C3orf70: variants seen among roughly 807,000 people sequenced by gnomAD.
C3orf70 encodes the protein chromosome 3 open reading frame 70.
A neutral mutation model predicts 20.7 loss-of-function variants in C3orf70; 15 were observed. That is an observed-to-expected ratio of 0.72 (90% CI 0.48 to 1.11). The LOEUF (loss-of-function observed/expected upper bound fraction) is 1.11, where lower values mean the gene tolerates loss of function less well. Ranked by LOEUF, C3orf70 falls within the 50% of genes most tolerant of loss-of-function variation. C3orf70 has a pLI of 0.00. For missense variants in C3orf70, 332 were observed against 317.6 expected (o/e 1.05, Z -0.34); for synonymous variants, 161 against 125.7 (o/e 1.28, Z -1.88).
chr3:185,109,965 T>G (rs1007439025), intron 1 of C3orf70, among the ~76,000 whole-genome samples: 17 of 152,226 alleles, frequency 1.1e-4, no homozygotes, highest in African/African-American at 3.9e-4. Context: ...CCTAAGGAGA[T>G]GTTTAGCTTA....
Position 185,079,306 on chromosome 3 carries a change from T to TAAAAAAAAAAAAAAAAAAAAAAAAA in C3orf70, c.*3700_*3701insTTTTTTTTTTTTTTTTTTTTTTTTT, listed in dbSNP as rs1321535800. The TAAAAAAAAAAAAAAAAAAAAAAAAA allele has an allele frequency of 7.5e-4, 92 of 122,794 alleles. No homozygotes were observed. The highest frequency in any genetic ancestry group is 1.2e-3 in the Non-Finnish European group (73 of 59,514). 7.6% of individuals were successfully genotyped at this position (122,794 alleles called of 1,614,324 possible). ...AAAAAAAAAAAAAAAAAAAAAAAAGTAAAGCCACCACTCCCAAGATAGAAT... is the reference window on the plus strand; with the variant it reads ...AAAAAAAAAAAAAAAAAAAAAAAAGTAAAAAAAAAAAAAAAAAAAAAAAAAAAAGCCACCACTCCCAAGATAGAAT... On this transcript the variant is annotated 3_prime_UTR_variant, in exon 2 of 2. Transcript: ENST00000335012.
chr3:185,107,469 C>T (rs1015811696), intron 1 of C3orf70, among the ~76,000 whole-genome samples: 1 of 152,138 alleles, frequency 6.6e-6, no homozygotes, highest in Non-Finnish European at 1.5e-5. Flanking sequence ...GAAAGAACCA[C>T]TTCAAGTGGA....
chr3:185,120,533 G>GA (rs1462280313), intron 1 of C3orf70, among the ~76,000 whole-genome samples: 5 of 151,650 alleles, frequency 3.3e-5, no homozygotes, highest in Admixed American at 6.6e-5. Context: ...AATTAGCAAG[G>GA]AAAAAAACAA....
chr3:185,113,302 A>AAAAAAG, intron 1 of C3orf70, among the ~76,000 whole-genome samples: 1 of 151,652 alleles, frequency 6.6e-6, no homozygotes, highest in Non-Finnish European at 1.5e-5. Flanking sequence ...GAAAAAAAGA[A>AAAAAAG]AGTTAATGGC....
At chr3:185,096,584 T>C (rs748304735) in intron 1 of C3orf70, among the ~76,000 whole-genome samples, 1 of 152,136 alleles carries the variant, frequency 6.6e-6, no homozygotes, top group Non-Finnish European at 1.5e-5. Context: ...GTGATGACAC[T>C]TTCTTGGTGG....
chr3:185,134,714 G>A (rs1432217123), intron 1 of C3orf70, among the ~76,000 whole-genome samples: 1 of 152,160 alleles, frequency 6.6e-6, no homozygotes, highest in Non-Finnish European at 1.5e-5. Context: ...ACCCCAGCCA[G>A]TAAAGGCTGA....
chr3:185,086,591 T>A (rs1715463157), intron 1 of C3orf70, among the ~76,000 whole-genome samples: 1 of 152,202 alleles, frequency 6.6e-6, no homozygotes, highest in Admixed American at 6.5e-5. Context: ...TTCTAGACTG[T>A]GAGAAATACA....
Position 185,125,100 on chromosome 3 carries a change from C to T in C3orf70, c.196+27528G>A, listed in dbSNP as rs557774135. Among the ~76,000 whole-genome samples, 6 of 152,212 alleles carry T rather than the reference C, an allele frequency of 3.9e-5. No homozygotes were observed. In the South Asian group the frequency reaches 1.2e-3, roughly 32 times the overall value. On this transcript the variant is annotated intron_variant, in intron 1 of 1. Transcript: ENST00000335012. ...ACCACCACTTTGAAAAACAGTTTGG[C>T]CGGGCGCAGTGGCTCACGCCTGCAA...
intron 1 of C3orf70, among the ~76,000 whole-genome samples, chr3:185,091,943 ATATATATATATATATATATATTTTTT>A (rs1715592413): frequency 6.2e-4 from 5 of 8,016 alleles, no homozygotes; most frequent in Non-Finnish European, 8.5e-4. Context: ...ATATATATAT[ATATATATATATATATATATATTTTTT>A]TTTTTTTTTA....
At chr3:185,121,915 C>T (rs1009710200) in intron 1 of C3orf70, among the ~76,000 whole-genome samples, 3 of 152,020 alleles carry the variant, frequency 2.0e-5, no homozygotes, top group Admixed American at 6.5e-5. Flanking sequence ...CTGGCTAACA[C>T]AGTGAAACCC....
intron 1 of C3orf70, among the ~76,000 whole-genome samples, chr3:185,117,602 T>A (rs1291505887): frequency 5.9e-5 from 9 of 152,236 alleles, no homozygotes; most frequent in Non-Finnish European, 1.5e-5. Context: ...TCCACAGTAA[T>A]CTTTCTCAAG....
intron 1 of C3orf70, among the ~76,000 whole-genome samples, chr3:185,103,070 C>A (rs1041295853): frequency 2.6e-5 from 4 of 152,064 alleles, no homozygotes; most frequent in East Asian, 1.9e-4. Flanking sequence ...CATGGTGAAA[C>A]CCCATCTCTA....
At chr3:185,090,999 G>A (rs1186550095) in intron 1 of C3orf70, among the ~76,000 whole-genome samples, 1 of 152,038 alleles carries the variant, frequency 6.6e-6, no homozygotes, top group Non-Finnish European at 1.5e-5. Context: ...CAGACGCATG[G>A]CTTATTTACT....
intron 1 of C3orf70, among the ~76,000 whole-genome samples, chr3:185,086,135 T>C (rs906939567): frequency 2.0e-5 from 3 of 152,280 alleles, no homozygotes; most frequent in South Asian, 2.1e-4. Flanking sequence ...GCTTTATTTG[T>C]CCAAAGATAG....
At chr3:185,127,273 TAA>T (rs1158257880) in intron 1 of C3orf70, among the ~76,000 whole-genome samples, 1 of 152,184 alleles carries the variant, frequency 6.6e-6, no homozygotes, top group Non-Finnish European at 1.5e-5. Flanking sequence ...AAAAATGAGA[TAA>T]ATAAGGTGTT....
intron 1 of C3orf70, among the ~76,000 whole-genome samples, chr3:185,117,340 T>C (rs1055554068): frequency 6.9e-6 from 1 of 145,210 alleles, no homozygotes; most frequent in Non-Finnish European, 1.5e-5. Context: ...TATTGTAAGA[T>C]CTGTGAGAAA....
intron 1 of C3orf70, 145 bp from the exon 2 acceptor site, chr3:185,083,708 T>C (rs1715402787): frequency 1.6e-6 from 1 of 617,194 alleles, no homozygotes; most frequent in East Asian, 2.9e-5. Flanking sequence ...TCAACATTGG[T>C]ATAGTCAATG....
intron 1 of C3orf70, among the ~76,000 whole-genome samples, chr3:185,085,112 C>G (rs1715433993): frequency 6.6e-6 from 1 of 152,074 alleles, no homozygotes; most frequent in Non-Finnish European, 1.5e-5. Flanking sequence ...GTGAAATCAC[C>G]CTGATTAAGA....
At chr3:185,126,669 TCTTTG>T (rs1577330324) in intron 1 of C3orf70, among the ~76,000 whole-genome samples, 2 of 152,362 alleles carry the variant, frequency 1.3e-5, no homozygotes, top group South Asian at 4.2e-4. Flanking sequence ...GACATGGGTT[TCTTTG>T]CTTTAAGTGA....
Sources: allele counts gnomAD v4.1 joint callset (sites outside exome capture counted in the v4.1 genomes callset), GRCh38; gene constraint gnomAD v4.1.1; transcripts MANE v1.5; gene names NCBI Gene and HGNC (gene_info 2026-07-23, HGNC 2026-07-21).